The following ADAMTS19 variants were observed in gnomAD, a reference collection of about 807,000 sequenced individuals.
ADAMTS19 encodes ADAM metallopeptidase with thrombospondin type 1 motif 19.
ADAMTS19 carries 93 observed loss-of-function variants against 153.3 expected under a neutral mutation model. The observed-to-expected ratio is 0.61, with a 90% CI of 0.51 to 0.72. The LOEUF is 0.72. ADAMTS19 is among the 30% of genes least tolerant of loss of function. The probability of loss-of-function intolerance (pLI) is 0.00; values close to 1 mark genes in which losing one functional copy is unlikely to be tolerated. For missense variants in ADAMTS19, 1,482 were observed against 1,552.1 expected (o/e 0.95, Z 0.76); for synonymous variants, 600 against 556.6 (o/e 1.08, Z -1.10).
At chr5:129,492,569 G>T (rs1351922554) in intron 2 of ADAMTS19, among the ~76,000 whole-genome samples, 2 of 151,518 alleles carry the variant, frequency 1.3e-5, no homozygotes, top group Non-Finnish European at 2.9e-5. Context: ...GTGTATGTGT[G>T]TATGTAATGA....
chr5:129,636,713 G>T (rs992613634), intron 10 of ADAMTS19, among the ~76,000 whole-genome samples: 9 of 152,144 alleles, frequency 5.9e-5, no homozygotes, highest in African/African-American at 2.2e-4. Context: ...GGATGTAAAT[G>T]AGCTAGATTT....
intron 6 of ADAMTS19, among the ~76,000 whole-genome samples, chr5:129,535,117 T>C (rs1752365827): frequency 1.3e-5 from 2 of 152,162 alleles, no homozygotes; most frequent in South Asian, 4.1e-4. Context: ...AAAGAGGAAG[T>C]CAAATTGTCC....
In ADAMTS19 at chr5:129,701,404, T is replaced by A; in HGVS notation, c.2971T>A (p.Trp991Arg). The A allele has an allele frequency of 6.2e-7, 1 of 1,614,204 alleles. No homozygotes were observed. Among genetic ancestry groups the A allele is most frequent in the Non-Finnish European group, 8.5e-7 (1 of 1,180,024 alleles). Residue 991 changes from tryptophan to arginine, a missense_variant, in exon 20 of 23, where the codon TGG becomes AGG. Around this residue, in one of 2 missense-constraint regions of ADAMTS19, gnomAD observed 616 missense variants for 724.4 expected, o/e 0.85. Coordinates refer to ENST00000274487, the MANE Select transcript of ADAMTS19 (RefSeq NM_133638.6). ...TACTTTCAGGTGGATGATGACAGAA[T>A]GGACCCCTTGTTCACGAACTTGTGG... ...PCQTRWMMTE[W>R]TPCSRTCGKG...
At position 129,527,756 on chromosome 5, in the gene ADAMTS19, C is replaced by A. The variant is rs779455665; in HGVS notation, c.1095C>A (p.Asn365Lys). 5 of 1,565,324 alleles carry A rather than the reference C, an allele frequency of 3.2e-6. No individual in the cohort carries two copies. In the Admixed American group the frequency reaches 8.6e-5, roughly 27 times the overall value. The stretch of plus-strand genomic sequence containing the variant: ...TTTTTATTTGTTTTTAGGTATTTAA[C>A]CTTTTCCAACACAAGAGTCTGAGTG... ...FILTILNMVF[N>K]LFQHKSLSVQ... Residue 365 changes from asparagine (N) to lysine (K), a missense_variant, in exon 5 of 23, where the codon AAC becomes AAA. Coordinates refer to ENST00000274487, the MANE Select transcript of ADAMTS19 (RefSeq NM_133638.6).
At chr5:129,550,071 T>G (rs1159755089) in intron 6 of ADAMTS19, among the ~76,000 whole-genome samples, 1 of 111,770 alleles carries the variant, frequency 8.9e-6, no homozygotes, top group Non-Finnish European at 1.9e-5. Flanking sequence ...TGTATCTAGA[T>G]ATACATATAC....
intron 6 of ADAMTS19, among the ~76,000 whole-genome samples, chr5:129,529,028 A>T (rs537990864): frequency 2.2e-4 from 33 of 152,232 alleles, no homozygotes; most frequent in African/African-American, 7.5e-4. Flanking sequence ...CACCATATAA[A>T]GTAACCTAAT....
At chr5:129,675,009 C>G (rs1452831804) in intron 16 of ADAMTS19, among the ~76,000 whole-genome samples, 1 of 152,120 alleles carries the variant, frequency 6.6e-6, no homozygotes, top group Non-Finnish European at 1.5e-5. Flanking sequence ...AGGATATTTT[C>G]ACTGGATATA....
intron 8 of ADAMTS19, among the ~76,000 whole-genome samples, chr5:129,619,014 A>G (rs996527831): frequency 6.6e-6 from 1 of 152,100 alleles, no homozygotes; most frequent in Non-Finnish European, 1.5e-5. Context: ...TGCTGTAACA[A>G]TGTTGTTCAC....
intron 11 of ADAMTS19, among the ~76,000 whole-genome samples, chr5:129,645,920 G>T (rs1282506316): frequency 1.3e-5 from 1 of 77,668 alleles, no homozygotes. Flanking sequence ...ACGGAGTCTC[G>T]CTCTGTCGCC....
chr5:129,717,669 T>C (rs1191993488), intron 21 of ADAMTS19, among the ~76,000 whole-genome samples: 1 of 152,226 alleles, frequency 6.6e-6, no homozygotes, highest in Admixed American at 6.5e-5. Flanking sequence ...TCAGGTTAGA[T>C]AGCCATTATC....
intron 5 of ADAMTS19, 89 bp from the exon 6 acceptor site, chr5:129,528,431 C>T (rs1456671868): frequency 1.8e-6 from 2 of 1,098,480 alleles, no homozygotes; most frequent in Non-Finnish European, 2.5e-6. Context: ...TTTAGTAATT[C>T]AAGAGTGCCT....
intron 8 of ADAMTS19, among the ~76,000 whole-genome samples, chr5:129,606,492 T>G (rs1167969150): frequency 1.3e-5 from 2 of 152,230 alleles, no homozygotes; most frequent in Non-Finnish European, 2.9e-5. Context: ...TGGCTTGGAC[T>G]CTTGCAGTAT....
intron 7 of ADAMTS19, among the ~76,000 whole-genome samples, chr5:129,584,864 C>A (rs1432799923): frequency 6.6e-6 from 1 of 152,180 alleles, no homozygotes; most frequent in African/African-American, 2.4e-5. Context: ...TGAGCTAGAC[C>A]ATTTGGTTCC....
rs367655854 is a variant in ADAMTS19, at chr5:129,669,088, G to GTATATATATATATATATATATATATA, written c.2506+3524_2506+3525insATATATATATATATATATATATATAT. Among the ~76,000 whole-genome samples the GTATATATATATATATATATATATATA allele has an allele frequency of 5.4e-5, 8 of 149,038 alleles. No homozygotes were observed. In the South Asian group the frequency reaches 1.5e-3, roughly 28 times the overall value. On this transcript the variant is annotated intron_variant, in intron 16 of 22. Coordinates refer to ENST00000274487, the MANE Select transcript of ADAMTS19 (RefSeq NM_133638.6). ...AGAAAGTCCAGGAATATATATATGTGTATATATATATATATTCAAATGATT... is the reference window on the plus strand; with the variant it reads ...AGAAAGTCCAGGAATATATATATGTGTATATATATATATATATATATATATATATATATATATATATTCAAATGATT...
At chr5:129,707,193 C>T (rs1377885710) in intron 21 of ADAMTS19, among the ~76,000 whole-genome samples, 1 of 152,152 alleles carries the variant, frequency 6.6e-6, no homozygotes, top group East Asian at 1.9e-4. Flanking sequence ...AGGACCCACT[C>T]AAGTTTGCAT....
At chr5:129,579,271 C>T (rs551985765) in intron 7 of ADAMTS19, among the ~76,000 whole-genome samples, 67 of 152,150 alleles carry the variant, frequency 4.4e-4, no homozygotes, top group African/African-American at 1.6e-3. Context: ...TATCCTTAGC[C>T]CACTTTTTGA....
At chr5:129,627,063 G>A (rs961838173) in intron 10 of ADAMTS19, among the ~76,000 whole-genome samples, 2 of 152,030 alleles carry the variant, frequency 1.3e-5, no homozygotes, top group Non-Finnish European at 2.9e-5. Flanking sequence ...GGGTCATGTC[G>A]TGAGATGCCC....
At chr5:129,610,492 A>C (rs1751151359) in intron 8 of ADAMTS19, among the ~76,000 whole-genome samples, 1 of 151,994 alleles carries the variant, frequency 6.6e-6, no homozygotes, top group Non-Finnish European at 1.5e-5. Context: ...TCCTGTGTCC[A>C]AATGTTCTCA....
At chr5:129,673,547 A>G (rs1356035585) in intron 16 of ADAMTS19, among the ~76,000 whole-genome samples, 1 of 152,120 alleles carries the variant, frequency 6.6e-6, no homozygotes, top group Non-Finnish European at 1.5e-5. Context: ...GACCTCTTTT[A>G]TAACTTATGG....
Sources: gnomAD v4.1 joint callset for allele counts (sites outside exome capture counted in the v4.1 genomes callset) on GRCh38, gnomAD v4.1.1 for gene constraint, gnomAD v4.1.1 regional missense constraint, MANE v1.5 for transcripts, NCBI Gene and HGNC (gene_info 2026-07-23, HGNC 2026-07-21) for gene names.